NTNG1: variants seen among roughly 807,000 people sequenced by gnomAD.
NTNG1 encodes the protein netrin-G1.
NTNG1 carries 16 observed loss-of-function variants against 54.0 expected under a neutral mutation model. The ratio of observed to expected loss-of-function variants is 0.30; its 90% confidence interval spans 0.20 to 0.45. NTNG1 has a LOEUF of 0.45. NTNG1 is among the 20% of genes least tolerant of loss of function. The pLI is 1.00. For synonymous variants in NTNG1, 255 were observed against 263.1 expected (o/e 0.97, Z 0.30); for missense variants, 530 against 678.7 (o/e 0.78, Z 2.43).
chr1:107,166,059 A>C (rs1200196095), intron 2 of NTNG1, among the ~76,000 whole-genome samples: 2 of 152,218 alleles, frequency 1.3e-5, no homozygotes, highest in Non-Finnish European at 2.9e-5. Flanking sequence ...AATTATTTAC[A>C]AAGAAGAAAC....
chr1:107,403,731 C>T (rs187936082), intron 4 of NTNG1: 4 of 153,988 alleles, frequency 2.6e-5, no homozygotes, highest in South Asian at 4.1e-4. Flanking sequence ...TCATGCACAC[C>T]TGTGCTTCAT....
At chr1:107,228,224 T>C (rs1236300934) in intron 2 of NTNG1, among the ~76,000 whole-genome samples, 3 of 152,174 alleles carry the variant, frequency 2.0e-5, no homozygotes, top group Non-Finnish European at 2.9e-5. Flanking sequence ...ATGCCAGTAA[T>C]ATTTGAACTT....
chr1:107,384,086 G>A (rs930011376), intron 3 of NTNG1, among the ~76,000 whole-genome samples: 1 of 152,106 alleles, frequency 6.6e-6, no homozygotes, highest in African/African-American at 2.4e-5. Context: ...TTCCTCATGA[G>A]TTTAGCAAAT....
chr1:107,298,945 T>C (rs1666151111), intron 2 of NTNG1, among the ~76,000 whole-genome samples: 1 of 152,318 alleles, frequency 6.6e-6, no homozygotes, highest in Non-Finnish European at 1.5e-5. Flanking sequence ...ACCCTGCAGA[T>C]GGTAAAAAGC....
intron 5 of NTNG1, among the ~76,000 whole-genome samples, chr1:107,412,465 G>A (rs1233812872): frequency 2.0e-5 from 3 of 152,160 alleles, no homozygotes; most frequent in Non-Finnish European, 4.4e-5. Context: ...TGCCTATCTG[G>A]CTGCAAAGGC....
intron 3 of NTNG1, among the ~76,000 whole-genome samples, chr1:107,372,563 A>C (rs1413527802): frequency 6.6e-6 from 1 of 152,068 alleles, no homozygotes; most frequent in Non-Finnish European, 1.5e-5. Context: ...ATTTATTTCA[A>C]CTTATTTTAT....
intron 7 of NTNG1, among the ~76,000 whole-genome samples, chr1:107,455,218 C>T (rs1676872272): frequency 6.6e-6 from 1 of 152,202 alleles, no homozygotes; most frequent in Admixed American, 6.5e-5. Flanking sequence ...CATGTGCCAC[C>T]ATGCCCGGCT....
At position 107,395,259 on chromosome 1, in the gene NTNG1, G is replaced by A. The variant is rs767224165; in HGVS notation, c.993G>A (p.Lys331=). ...TTGPDCGKCK[K]NYQGRPWSPG... is the part of the protein sequence containing the mutation. ...GTCCAGACTGTGGGAAATGCAAGAA[G>A]AATTATCAGGGCCGACCTTGGAGTC... is the stretch of plus-strand genomic sequence containing the variant. Residue 331 remains lysine, a synonymous_variant, in exon 4 of 8, where the codon AAG becomes AAA. Coordinates refer to ENST00000370068, the MANE Select transcript of NTNG1 (RefSeq NM_001113226.3). 1 of 1,613,502 alleles carries A rather than the reference G, an allele frequency of 6.2e-7. No individual in the cohort carries two copies. Among genetic ancestry groups the A allele is most frequent in the East Asian group, 2.2e-5 (1 of 44,886 alleles).
chr1:107,159,310 C>A (rs1387642257), intron 2 of NTNG1, among the ~76,000 whole-genome samples: 2 of 152,134 alleles, frequency 1.3e-5, no homozygotes, highest in African/African-American at 4.8e-5. Context: ...GAATCATGTT[C>A]TATTTAGCCA....
In NTNG1 at chr1:107,228,965, C is replaced by T. The variant is rs541540621; in HGVS notation, c.246+80126C>T. Among the ~76,000 whole-genome samples the T allele has an allele frequency of 2.0e-5, 3 of 152,254 alleles. No homozygotes were observed. The South Asian group carries it at 6.2e-4, about 32-fold the overall frequency. On this transcript the variant is annotated intron_variant, in intron 2 of 7. Coordinates refer to ENST00000370068, the MANE Select transcript of NTNG1 (RefSeq NM_001113226.3). ...ATGGTTAATGTCATCAGAATAACTTCTCAGTGAAGCAAGAATCTCCTCACC... is the reference window on the plus strand; with the variant it reads ...ATGGTTAATGTCATCAGAATAACTTTTCAGTGAAGCAAGAATCTCCTCACC...
intron 5 of NTNG1, among the ~76,000 whole-genome samples, chr1:107,420,061 T>C (rs1674480725): frequency 6.6e-6 from 1 of 152,054 alleles, no homozygotes; most frequent in African/African-American, 2.4e-5. Flanking sequence ...GTATTTCCTA[T>C]TGAATTTCAT....
chr1:107,285,429 C>T (rs1011792763), intron 2 of NTNG1, among the ~76,000 whole-genome samples: 7 of 152,048 alleles, frequency 4.6e-5, no homozygotes, highest in African/African-American at 1.4e-4. Context: ...TTTTTATTTA[C>T]ATTAACTTTT....
At chr1:107,431,488 A>G (rs961893912) in intron 6 of NTNG1, among the ~76,000 whole-genome samples, 1 of 152,092 alleles carries the variant, frequency 6.6e-6, no homozygotes, top group African/African-American at 2.4e-5. Context: ...AGCTCCCAAA[A>G]AGGAGGAGTA....
At chr1:107,351,638 C>A (rs970646927) in intron 3 of NTNG1, among the ~76,000 whole-genome samples, 6 of 152,152 alleles carry the variant, frequency 3.9e-5, no homozygotes, top group Non-Finnish European at 8.8e-5. Context: ...GGGACACAGA[C>A]CCAAAACAAT....
At chr1:107,398,764 T>C (rs962633271) in intron 4 of NTNG1, among the ~76,000 whole-genome samples, 11 of 152,194 alleles carry the variant, frequency 7.2e-5, no homozygotes, top group Admixed American at 6.6e-4. Flanking sequence ...ATTTTTCTTC[T>C]CCTTATTGAT....
intron 3 of NTNG1, among the ~76,000 whole-genome samples, chr1:107,353,575 C>T (rs1669760768): frequency 6.6e-6 from 1 of 152,134 alleles, no homozygotes; most frequent in Non-Finnish European, 1.5e-5. Flanking sequence ...CAAACTTTCC[C>T]TCATCTTCCT....
chr1:107,254,013 T>C (rs1220159576), intron 2 of NTNG1, among the ~76,000 whole-genome samples: 2 of 152,240 alleles, frequency 1.3e-5, no homozygotes, highest in Non-Finnish European at 2.9e-5. Context: ...AGTGGTTGCC[T>C]GATTGCTGCT....
chr1:107,440,613 C>T (rs1200282980), intron 7 of NTNG1, among the ~76,000 whole-genome samples: 1 of 152,126 alleles, frequency 6.6e-6, no homozygotes, highest in Non-Finnish European at 1.5e-5. Flanking sequence ...AAGCAAGAAT[C>T]CATGTTCAAA....
At position 107,482,420 on chromosome 1, in the gene NTNG1, T is replaced by G. The variant is rs1342579298; in HGVS notation, c.*1580T>G. The G allele has an allele frequency of 1.3e-5, 2 of 152,250 alleles. No individual in the cohort carries two copies. Among genetic ancestry groups the G allele is most frequent in the African/African-American group, 4.8e-5 (2 of 41,466 alleles). 9.4% of individuals were successfully genotyped at this position (152,250 alleles called of 1,614,324 possible). On this transcript the variant is annotated 3_prime_UTR_variant, in exon 8 of 8. Transcript: ENST00000370068. ...TAAGTGCTGCCCAAGGTGTAATAAATTCTTGTTTCTGCCTTTTATTAGGCC... is the reference window on the plus strand; with the variant it reads ...TAAGTGCTGCCCAAGGTGTAATAAAGTCTTGTTTCTGCCTTTTATTAGGCC...
Sources: allele counts gnomAD v4.1 joint callset (sites outside exome capture counted in the v4.1 genomes callset), GRCh38; gene constraint gnomAD v4.1.1; transcripts MANE v1.5; gene names NCBI Gene and HGNC (gene_info 2026-07-23, HGNC 2026-07-21).